The following PDS5B variants were observed in gnomAD, a reference collection of about 807,000 sequenced individuals.
PDS5B encodes the protein PDS5 cohesin associated factor B.
A neutral mutation model predicts 184.1 loss-of-function variants in PDS5B; 51 were observed. That is an observed-to-expected ratio of 0.28 (90% CI 0.22 to 0.35). The LOEUF is 0.35. Among genes scored for constraint, PDS5B ranks in the 10% least tolerant of loss-of-function variants. The probability of loss-of-function intolerance (pLI) is 1.00; values close to 1 mark genes in which losing one functional copy is unlikely to be tolerated. For missense variants in PDS5B, 1,180 were observed against 1,723.3 expected (o/e 0.68, Z 5.58); for synonymous variants, 566 against 569.2 (o/e 0.99, Z 0.08).
chr13:32,607,623 G>A (rs1244093217), intron 1 of PDS5B, among the ~76,000 whole-genome samples: 3 of 152,240 alleles, frequency 2.0e-5, no homozygotes, highest in African/African-American at 7.2e-5. Flanking sequence ...AGAAGTTTCT[G>A]CTGCCTTTTG....
chr13:32,667,840 C>A lies in PDS5B; in HGVS notation c.701C>A (p.Thr234Asn). 1.9e-6 allele frequency: 3 copies of A among 1,552,108 alleles called. No individual in the cohort carries two copies. Among genetic ancestry groups the A allele is most frequent in the Non-Finnish European group, 2.6e-6 (3 of 1,144,152 alleles). The part of the protein sequence containing the change: ...RTAQAIEPYI[T>N]NFFNQVLMLG... ...GCTCAAGCTATTGAGCCATATATTA[C>A]CAATGTAAGTCTTACTTGTAATTGG... The change falls in exon 7 of 35, where the codon ACC becomes AAC. Residue 234 changes from threonine (T) to asparagine (N), a missense_variant. Coordinates refer to ENST00000315596, the MANE Select transcript of PDS5B (RefSeq NM_015032.4).
chr13:32,673,170 G>A, intron 7 of PDS5B, 46 bp from the exon 8 acceptor site: 1 of 1,534,506 alleles, frequency 6.5e-7, no homozygotes, highest in Non-Finnish European at 8.9e-7. Flanking sequence ...CATTCAACTT[G>A]TCTCTGGTTT....
At chr13:32,690,605 C>A (rs1951521790) in intron 13 of PDS5B, 1 of 151,714 alleles carries the variant, frequency 6.6e-6, no homozygotes, top group African/African-American at 2.4e-5. Flanking sequence ...AAATAGAAAA[C>A]AAGAAAAATA....
At chr13:32,594,840 A>G (rs1052468808) in intron 1 of PDS5B, among the ~76,000 whole-genome samples, 1 of 152,164 alleles carries the variant, frequency 6.6e-6, no homozygotes, top group African/African-American at 2.4e-5. Flanking sequence ...TGATGTCTGT[A>G]TGAAAAGGAT....
intron 23 of PDS5B, 109 bp from the exon 24 acceptor site, chr13:32,745,867 AT>A (rs374166185): frequency 7.0e-4 from 588 of 845,598 alleles, no homozygotes; most frequent in East Asian, 4.0e-3. Flanking sequence ...AGATCACAGC[AT>A]TTTTTTTTAA....
chr13:32,626,284 A>G (rs2140554484), intron 1 of PDS5B, among the ~76,000 whole-genome samples: 1 of 152,322 alleles, frequency 6.6e-6, no homozygotes, highest in South Asian at 2.1e-4. Flanking sequence ...GAGATAAGCC[A>G]GACCGTGGTC....
chr13:32,630,645 T>G (rs1047535430), intron 1 of PDS5B, among the ~76,000 whole-genome samples: 1 of 152,170 alleles, frequency 6.6e-6, no homozygotes. Context: ...AAGGTTAAAA[T>G]CTCTGAGCCT....
At chr13:32,722,565 G>A (rs546287806) in intron 19 of PDS5B, among the ~76,000 whole-genome samples, 1 of 152,036 alleles carries the variant, frequency 6.6e-6, no homozygotes, top group South Asian at 2.1e-4. Flanking sequence ...GTTTATGTAA[G>A]TTTACTCTAT....
At chr13:32,726,410 T>G (rs1423675526) in intron 19 of PDS5B, among the ~76,000 whole-genome samples, 2 of 152,194 alleles carry the variant, frequency 1.3e-5, no homozygotes, top group Non-Finnish European at 1.5e-5. Context: ...AGCTTTGTAT[T>G]TGCGCCTTTT....
intron 23 of PDS5B, among the ~76,000 whole-genome samples, chr13:32,743,731 CAT>C (rs1953646589): frequency 6.6e-6 from 1 of 151,948 alleles, no homozygotes; most frequent in Admixed American, 6.6e-5. Context: ...TCAAACAAAA[CAT>C]ATAAAAAAAA....
At chr13:32,592,663 T>C (rs2057795527) in intron 1 of PDS5B, among the ~76,000 whole-genome samples, 1 of 152,156 alleles carries the variant, frequency 6.6e-6, no homozygotes, top group Non-Finnish European at 1.5e-5. Flanking sequence ...AGGTCAAGTC[T>C]TTATAGCTGT....
chr13:32,699,644 C>A, intron 15 of PDS5B, 86 bp from the exon 16 acceptor site: 3 of 695,524 alleles, frequency 4.3e-6, no homozygotes, highest in Non-Finnish European at 4.3e-6. Context: ...GATTTTAAGG[C>A]AATAAAAGGA....
chr13:32,714,900 T>C (rs1012039378), intron 19 of PDS5B, among the ~76,000 whole-genome samples: 2 of 152,182 alleles, frequency 1.3e-5, no homozygotes, highest in African/African-American at 4.8e-5. Flanking sequence ...AAGACAGGCA[T>C]AGGAAATCAC....
chr13:32,751,489 G>C (rs1041838631), intron 24 of PDS5B, among the ~76,000 whole-genome samples: 62 of 152,154 alleles, frequency 4.1e-4, no homozygotes, highest in African/African-American at 1.4e-3. Context: ...TTGTATTAGT[G>C]CTCCCCTTTC....
chr13:32,634,969 C>T (rs71436491), intron 1 of PDS5B, among the ~76,000 whole-genome samples: 1 of 148,364 alleles, frequency 6.7e-6, no homozygotes, highest in Non-Finnish European at 1.5e-5. Context: ...GTTCCAGTTT[C>T]TTCACAACCT....
intron 20 of PDS5B, among the ~76,000 whole-genome samples, chr13:32,734,011 C>CACACACACACACACAA (rs1341139943): frequency 1.3e-5 from 2 of 151,374 alleles, no homozygotes; most frequent in African/African-American, 2.4e-5. Flanking sequence ...CACACACACA[C>CACACACACACACACAA]ACAAACATAT....
chr13:32,596,271 T>C (rs1410900450), intron 1 of PDS5B, among the ~76,000 whole-genome samples: 1 of 152,218 alleles, frequency 6.6e-6, no homozygotes, highest in Non-Finnish European at 1.5e-5. Flanking sequence ...TAGATTAGTT[T>C]TGTTCTATCT....
In PDS5B at chr13:32,773,230, A is replaced by G. The variant is rs927289633; in HGVS notation, c.4214A>G (p.Asp1405Gly). The G allele has an allele frequency of 1.2e-6, 2 of 1,613,428 alleles. No homozygotes were observed. Among genetic ancestry groups the G allele is most frequent in the African/African-American group, 2.7e-5 (2 of 75,022 alleles). Residue 1405 changes from aspartate to glycine, a missense_variant, in exon 34 of 35, where the codon GAT becomes GGT. Physicochemically the swap from Asp to Gly is moderately conservative, Grantham distance 94 (BLOSUM62 -1). Coordinates refer to ENST00000315596, the MANE Select transcript of PDS5B (RefSeq NM_015032.4). ...AAACAAGCAGCTACTAAGGAAAATG[A>G]TTCAAGTGAAGAAGTAGATGTGTTT... ...RSKQAATKENDSSEEVDVFQG... is the reference protein window; with the variant it reads ...RSKQAATKENGSSEEVDVFQG...
intron 6 of PDS5B, among the ~76,000 whole-genome samples, chr13:32,665,934 G>C (rs1217358381): frequency 6.6e-6 from 1 of 152,244 alleles, no homozygotes; most frequent in South Asian, 2.1e-4. Context: ...TTTCACTCGT[G>C]GGGGCTAAAG....
Sources: allele counts gnomAD v4.1 joint callset (sites outside exome capture counted in the v4.1 genomes callset), GRCh38; gene constraint gnomAD v4.1.1; transcripts MANE v1.5; gene names NCBI Gene and HGNC (gene_info 2026-07-23, HGNC 2026-07-21).